ADAMTS17: variants seen among roughly 807,000 people sequenced by gnomAD.
ADAMTS17 encodes the protein ADAM metallopeptidase with thrombospondin type 1 motif 17.
Under a neutral mutation model 141.5 loss-of-function variants are expected in ADAMTS17, and 113 were observed. The observed-to-expected ratio is 0.80, with a 90% CI of 0.69 to 0.93. ADAMTS17 has a LOEUF of 0.93. ADAMTS17 is among the 40% of genes least tolerant of loss of function. ADAMTS17 has a pLI of 0.00. For missense variants in ADAMTS17, 1,659 were observed against 1,517.9 expected (o/e 1.09, Z -1.54); for synonymous variants, 768 against 630.6 (o/e 1.22, Z -3.27).
At chr15:100,256,200 A>G (rs1049899839) in intron 6 of ADAMTS17, among the ~76,000 whole-genome samples, 3 of 152,296 alleles carry the variant, frequency 2.0e-5, no homozygotes, top group African/African-American at 7.2e-5. Context: ...TCAGGAATGA[A>G]AAGAGGGCTA....
At chr15:100,131,672 T>C (rs560755424) in intron 12 of ADAMTS17, among the ~76,000 whole-genome samples, 1 of 152,208 alleles carries the variant, frequency 6.6e-6, no homozygotes, top group South Asian at 2.1e-4. Context: ...AGACAGCCAG[T>C]GTGGAATGAC....
chr15:100,237,516 A>G (rs183861092), intron 7 of ADAMTS17, among the ~76,000 whole-genome samples: 119 of 152,344 alleles, frequency 7.8e-4, no homozygotes, highest in Non-Finnish European at 1.5e-3. Context: ...AGCTTCACAG[A>G]GCAGGCATTG....
intron 8 of ADAMTS17, among the ~76,000 whole-genome samples, chr15:100,167,252 C>T (rs907360135): frequency 6.6e-6 from 1 of 152,184 alleles, no homozygotes; most frequent in Non-Finnish European, 1.5e-5. Flanking sequence ...CCACAAATTA[C>T]TCACAGATAC....
At chr15:100,053,138 T>G (rs936497885) in intron 16 of ADAMTS17, among the ~76,000 whole-genome samples, 2 of 152,118 alleles carry the variant, frequency 1.3e-5, no homozygotes, top group African/African-American at 4.8e-5. Context: ...ACAAATCCTG[T>G]TTTTTGGAAG....
chr15:100,087,909 T>C (rs1410743391), intron 15 of ADAMTS17, among the ~76,000 whole-genome samples: 1 of 152,186 alleles, frequency 6.6e-6, no homozygotes, highest in Non-Finnish European at 1.5e-5. Context: ...ACTGGAAGCA[T>C]TCCCTTTGAA....
intron 4 of ADAMTS17, among the ~76,000 whole-genome samples, chr15:100,263,958 G>A (rs779897596): frequency 6.6e-6 from 1 of 152,208 alleles, no homozygotes; most frequent in African/African-American, 2.4e-5. Flanking sequence ...GCCCACAAGC[G>A]CTAGAAGCCA....
chr15:100,058,398 G>C (rs2032825486), intron 15 of ADAMTS17, among the ~76,000 whole-genome samples: 1 of 151,766 alleles, frequency 6.6e-6, no homozygotes, highest in African/African-American at 2.4e-5. Flanking sequence ...TCCTGAGGAG[G>C]TGACTCTTTC....
intron 15 of ADAMTS17, among the ~76,000 whole-genome samples, chr15:100,085,730 C>T (rs1045371377): frequency 4.0e-5 from 6 of 149,920 alleles, no homozygotes; most frequent in Admixed American, 1.3e-4. Context: ...GCCAGAATTT[C>T]ATATCCAGCC....
chr15:100,150,115 T>C (rs1338648061), intron 10 of ADAMTS17, among the ~76,000 whole-genome samples: 4 of 152,230 alleles, frequency 2.6e-5, no homozygotes, highest in African/African-American at 9.6e-5. Flanking sequence ...TTGCAGTTCC[T>C]TGGGAGCCCA....
At chr15:99,975,641 G>C (rs1219867285) in intron 21 of ADAMTS17, among the ~76,000 whole-genome samples, 1 of 152,182 alleles carries the variant, frequency 6.6e-6, no homozygotes, top group Non-Finnish European at 1.5e-5. Flanking sequence ...ACGCCTGTCT[G>C]CTGCTCAAGC....
At chr15:100,337,713 C>G (rs547688134) in intron 2 of ADAMTS17, among the ~76,000 whole-genome samples, 10 of 152,368 alleles carry the variant, frequency 6.6e-5, no homozygotes, top group Admixed American at 2.0e-4. Context: ...GCAGACCAAA[C>G]CCGACAGCAG....
intron 15 of ADAMTS17, among the ~76,000 whole-genome samples, chr15:100,079,174 T>G (rs2034571435): frequency 6.6e-6 from 1 of 152,076 alleles, no homozygotes. Flanking sequence ...AACACAGAAT[T>G]CTCACTCACC....
At chr15:100,074,563 A>C (rs2034231434) in intron 15 of ADAMTS17, among the ~76,000 whole-genome samples, 1 of 152,070 alleles carries the variant, frequency 6.6e-6, no homozygotes, top group African/African-American at 2.4e-5. Flanking sequence ...CCATCTTCCC[A>C]TCTCAGAATA....
In ADAMTS17 at chr15:100,049,274, C is replaced by T. The variant is rs111824815; in HGVS notation, c.2456-282G>A. Among the ~76,000 whole-genome samples, 6,533 of 152,222 alleles carry T rather than the reference C, an allele frequency of 0.043. 228 individuals carry two copies. The highest frequency in any genetic ancestry group is 0.091 in the African/African-American group (3,782 of 41,506). On this transcript the variant is annotated intron_variant, in intron 17 of 21. Transcript: ENST00000268070. The stretch of plus-strand genomic sequence containing the variant: ...CGGTGTCCTTGGACAGCTTGGGGTT[C>T]GTTGATTTGGGCCTTTGATTTCCAA...
At chr15:100,193,396 G>C (rs2040990602) in intron 8 of ADAMTS17, among the ~76,000 whole-genome samples, 1 of 152,218 alleles carries the variant, frequency 6.6e-6, no homozygotes, top group Non-Finnish European at 1.5e-5. Context: ...GGTGAAGTGG[G>C]TGGGTTATTT....
intron 10 of ADAMTS17, among the ~76,000 whole-genome samples, chr15:100,136,511 G>A (rs1242703195): frequency 1.3e-5 from 2 of 152,182 alleles, no homozygotes; most frequent in Non-Finnish European, 2.9e-5. Context: ...TCAACAGCCT[G>A]CATTCATGTC....
At chr15:100,110,152 T>G (rs1248855857) in intron 13 of ADAMTS17, among the ~76,000 whole-genome samples, 1 of 130,814 alleles carries the variant, frequency 7.6e-6, no homozygotes, top group Non-Finnish European at 1.5e-5. Context: ...AGGACCTGGC[T>G]CACAGAAAGA....
chr15:100,035,989 A>G (rs73472447), intron 18 of ADAMTS17, among the ~76,000 whole-genome samples: 8,927 of 152,194 alleles, frequency 0.059, 830 homozygotes, highest in African/African-American at 0.2. Context: ...AAGCACAGAG[A>G]ACATGGGGAA....
At position 100,266,591 on chromosome 15, in the gene ADAMTS17, G is replaced by A. The variant is rs763537659; in HGVS notation, c.790-4156C>T. ...CCCTGGCCTCCCCGCCTGCAAGGTC[G>A]GCCTGCCCGCTTCTCACTGTGCCCC... On this transcript the variant is annotated intron_variant, in intron 4 of 21. Coordinates refer to ENST00000268070, the MANE Select transcript of ADAMTS17 (RefSeq NM_139057.4). Among the ~76,000 whole-genome samples, 33 of 152,168 alleles carry A rather than the reference G, an allele frequency of 2.2e-4. 1 individual carries two copies. The highest frequency in any genetic ancestry group is 1.0e-3 in the Admixed American group (16 of 15,276).
Sources: gnomAD v4.1 joint callset for allele counts (sites outside exome capture counted in the v4.1 genomes callset) on GRCh38, gnomAD v4.1.1 for gene constraint, MANE v1.5 for transcripts, NCBI Gene and HGNC (gene_info 2026-07-23, HGNC 2026-07-21) for gene names.